SCG3: variants seen among roughly 807,000 people sequenced by gnomAD.
The protein encoded by SCG3 is secretogranin III.
In SCG3, 38 loss-of-function variants were observed where a neutral mutation model predicts 56.2. The observed-to-expected ratio is 0.68, with a 90% CI of 0.52 to 0.89. The LOEUF (loss-of-function observed/expected upper bound fraction) is 0.89. Among genes scored for constraint, SCG3 ranks in the 40% least tolerant of loss-of-function variants. SCG3 has a pLI of 0.00. For missense variants in SCG3, 524 were observed against 540.7 expected (o/e 0.97, Z 0.31); for synonymous variants, 176 against 184.2 (o/e 0.96, Z 0.36).
At chr15:51,710,752 A>ATTT (rs60536489) in intron 10 of SCG3, among the ~76,000 whole-genome samples, 2,635 of 104,934 alleles carry the variant, frequency 0.025, 47 homozygotes, top group African/African-American at 0.036. Context: ...TGCCTGGCTA[A>ATTT]TTTTTTTTTT....
chr15:51,689,756 C>T lies in SCG3; in HGVS notation c.690+388C>T, dbSNP rs1056418895. 1.8e-4 allele frequency among the ~76,000 whole-genome samples: 28 copies of T among 151,676 alleles called. No individual in the cohort carries two copies. The East Asian group carries it at 3.3e-3, about 18-fold the overall frequency. ...GAACTATGATTGCACCACTGCATAC[C>T]GGTCTGGGTGACAGAGTGAGACCCT... On this transcript the variant is annotated intron_variant, in intron 6 of 11. Coordinates refer to ENST00000220478, the MANE Select transcript of SCG3 (RefSeq NM_013243.4).
chr15:51,718,563 A>G (rs1468642816), intron 11 of SCG3, among the ~76,000 whole-genome samples: 1 of 148,838 alleles, frequency 6.7e-6, no homozygotes, highest in Non-Finnish European at 1.5e-5. Flanking sequence ...CTCCTCACCA[A>G]CTAACAGAAA....
At position 51,720,068 on chromosome 15, in the gene SCG3, T is replaced by G. The variant is rs890448354; in HGVS notation, c.*542T>G. 2.0e-5 allele frequency: 3 copies of G among 152,428 alleles called. No individual in the cohort carries two copies. The highest frequency in any genetic ancestry group is 7.2e-5 in the African/African-American group (3 of 41,446). 9.4% of individuals were successfully genotyped at this position (152,428 alleles called of 1,614,324 possible). On this transcript the variant is annotated 3_prime_UTR_variant, in exon 12 of 12. Transcript: ENST00000220478. ...TTAGCTGGCTTTTTATTAGGCTCAGTGACATAAAAAGGATCCAGGTAAATG... is the reference window on the plus strand; with the variant it reads ...TTAGCTGGCTTTTTATTAGGCTCAGGGACATAAAAAGGATCCAGGTAAATG...
chr15:51,683,886 A>G (rs951329039), intron 4 of SCG3, among the ~76,000 whole-genome samples: 5 of 152,176 alleles, frequency 3.3e-5, no homozygotes, highest in Admixed American at 1.3e-4. Context: ...CGTGGCTTCA[A>G]TTACATCTAT....
At chr15:51,705,346 T>C (rs933322063) in intron 10 of SCG3, among the ~76,000 whole-genome samples, 1 of 152,162 alleles carries the variant, frequency 6.6e-6, no homozygotes, top group Non-Finnish European at 1.5e-5. Context: ...AAGAAAACCA[T>C]GTAAAAAATG....
At chr15:51,682,992 C>A in intron 2 of SCG3, 87 bp from the exon 3 acceptor site, 1 of 1,010,348 alleles carries the variant, frequency 9.9e-7, no homozygotes, top group Admixed American at 2.4e-5. Context: ...AATTAAATCC[C>A]ATGGAGATTA....
intron 2 of SCG3, among the ~76,000 whole-genome samples, chr15:51,682,809 A>G (rs564699594): frequency 6.6e-6 from 1 of 152,366 alleles, no homozygotes; most frequent in Admixed American, 6.5e-5. Context: ...CAGTAAGCTC[A>G]GCATCACATC....
intron 6 of SCG3, among the ~76,000 whole-genome samples, chr15:51,691,135 A>G (rs2055264274): frequency 6.6e-6 from 1 of 152,220 alleles, no homozygotes; most frequent in South Asian, 2.1e-4. Flanking sequence ...ACTTGTGAAC[A>G]TGAGAGGCAG....
intron 1 of SCG3, 98 bp from the exon 2 acceptor site, chr15:51,682,416 TCTC>T (rs2141555462): frequency 1.7e-6 from 1 of 580,008 alleles, no homozygotes; most frequent in Non-Finnish European, 3.0e-6. Flanking sequence ...CAAAATTATT[TCTC>T]CTAATATTTT....
At chr15:51,716,751 G>A (rs536456255) in intron 11 of SCG3, among the ~76,000 whole-genome samples, 6 of 152,328 alleles carry the variant, frequency 3.9e-5, no homozygotes, top group Admixed American at 2.0e-4. Flanking sequence ...CTGGTTGTCC[G>A]CTGATTCAAT....
intron 11 of SCG3, 114 bp downstream of exon 11, chr15:51,713,527 A>G (rs2055434401): frequency 1.7e-6 from 1 of 593,532 alleles, no homozygotes; most frequent in South Asian, 2.3e-5. Flanking sequence ...GCAGAGCCCA[A>G]AAAAGACTGA....
chr15:51,688,361 G>C lies in SCG3; in HGVS notation c.499G>C (p.Val167Leu). ...GATTTATGAAGAAAATGACAGAGCC[G>C]TGTTTGACAAGATTGTTTCTAAACT... The part of the protein sequence containing the change: ...ARIYEENDRA[V>L]FDKIVSKLLN... The change falls in exon 5 of 12, where the codon GTG becomes CTG. Residue 167 changes from valine to leucine, a missense_variant. Coordinates refer to ENST00000220478, the MANE Select transcript of SCG3 (RefSeq NM_013243.4). 1 of 1,613,818 alleles carries C rather than the reference G, an allele frequency of 6.2e-7. No homozygotes were observed. The highest frequency in any genetic ancestry group is 8.5e-7 in the Non-Finnish European group (1 of 1,179,800).
In SCG3 at chr15:51,683,137, C is replaced by A; in HGVS notation, c.181+13C>A. On this transcript the variant is annotated intron_variant, in intron 3 of 11. Transcript: ENST00000220478. ...ACATATCCTCCAGGTAAAAAGAAAT[C>A]ATATTGATGTTAATTTAAATAATGT... 2 of 1,604,566 alleles carry A rather than the reference C, an allele frequency of 1.2e-6. No homozygotes were observed. Among genetic ancestry groups the A allele is most frequent in the South Asian group, 1.1e-5 (1 of 90,428 alleles).
At chr15:51,718,184 G>GGATA (rs3078126) in intron 11 of SCG3, among the ~76,000 whole-genome samples, 11 of 122,424 alleles carry the variant, frequency 9.0e-5, no homozygotes, top group Admixed American at 1.8e-4. Context: ...ATGGATGGAT[G>GGATA]GATAGATAGA....
At position 51,683,117 on chromosome 15, in the gene SCG3, T is replaced by A. The variant is rs757733855; in HGVS notation, c.174T>A (p.Tyr58Ter). 4 of 1,609,394 alleles carry A rather than the reference T, an allele frequency of 2.5e-6. No homozygotes were observed. Among genetic ancestry groups the A allele is most frequent in the Non-Finnish European group, 3.4e-6 (4 of 1,177,826 alleles). The part of the protein sequence containing the change: ...EAEEDKIKKT[Y>*]PPENKPGQSN... ...AAGAAGACAAGATTAAAAAAACATA[T>A]CCTCCAGGTAAAAAGAAATCATATT... is the stretch of plus-strand genomic sequence containing the variant. Residue 58 changes from tyrosine to a stop codon, truncating the protein, a stop_gained, in exon 3 of 12, where the codon TAT (tyrosine) becomes TAA (stop). Transcript: ENST00000220478. LOFTEE classifies it high-confidence loss of function.
chr15:51,707,041 AT>A (rs2055380635), intron 10 of SCG3, among the ~76,000 whole-genome samples: 1 of 152,162 alleles, frequency 6.6e-6, no homozygotes, highest in Non-Finnish European at 1.5e-5. Context: ...TTCAAACTTT[AT>A]TTCATTATCT....
At chr15:51,690,631 A>G (rs1386452019) in intron 6 of SCG3, among the ~76,000 whole-genome samples, 2 of 130,974 alleles carry the variant, frequency 1.5e-5, no homozygotes, top group Non-Finnish European at 3.2e-5. Context: ...CACCCACTCA[A>G]AAAAAAAGTT....
chr15:51,695,763 A>G lies in SCG3; in HGVS notation c.869-112A>G, dbSNP rs78233272. ...GCCACACAGTGAGACCTCGTCTTTGAAAAAAAAAAAAAACCCAAACAAACA... is the reference window on the plus strand; with the variant it reads ...GCCACACAGTGAGACCTCGTCTTTGGAAAAAAAAAAAAACCCAAACAAACA... On this transcript the variant is annotated intron_variant, in intron 7 of 11. Transcript: ENST00000220478. 23 of 262,584 alleles carry G rather than the reference A, an allele frequency of 8.8e-5. No homozygotes were observed. In the East Asian group the frequency reaches 1.5e-3, roughly 17 times the overall value. 16.3% of individuals were successfully genotyped at this position (262,584 alleles called of 1,614,324 possible).
intron 10 of SCG3, among the ~76,000 whole-genome samples, chr15:51,710,752 A>ATTTTTTT (rs60536489): frequency 9.5e-6 from 1 of 105,272 alleles, no homozygotes; most frequent in Non-Finnish European, 1.9e-5. Flanking sequence ...TGCCTGGCTA[A>ATTTTTTT]TTTTTTTTTT....
Sources: gnomAD v4.1 joint callset for allele counts (sites outside exome capture counted in the v4.1 genomes callset) on GRCh38, gnomAD v4.1.1 for gene constraint, MANE v1.5 for transcripts, NCBI Gene and HGNC (gene_info 2026-07-23, HGNC 2026-07-21) for gene names.